Variants in NTM observed in about 807,000 individuals in gnomAD.
NTM encodes the protein neurotrimin.
NTM carries 13 observed loss-of-function variants against 42.1 expected under a neutral mutation model. That is an observed-to-expected ratio of 0.31 (90% confidence interval 0.20 to 0.49). The LOEUF is 0.49. Ranked by LOEUF, NTM falls within the 20% of genes least tolerant of loss-of-function variation. The probability of loss-of-function intolerance (pLI) is 0.99; values close to 1 mark genes in which losing one functional copy is unlikely to be tolerated. For missense variants in NTM, 373 were observed against 452.8 expected, an observed-to-expected ratio of 0.82 and a Z score of 1.60; for synonymous variants, 187 against 179.2, an observed-to-expected ratio of 1.04 and a Z score of -0.35.
chr11:131,814,531 C>T (rs1407250734), intron 1 of NTM, among the ~76,000 whole-genome samples: 2 of 152,026 alleles, frequency 1.3e-5, no homozygotes, highest in African/African-American at 2.4e-5. Flanking sequence ...CAACTGTACT[C>T]CCTGCTTAAA....
intron 1 of NTM, among the ~76,000 whole-genome samples, chr11:131,755,172 C>A (rs1167071888): frequency 6.6e-6 from 1 of 152,108 alleles, no homozygotes; most frequent in Non-Finnish European, 1.5e-5. Context: ...TAAATGGATA[C>A]ATTTTATTGT....
At chr11:131,751,378 C>T (rs2082498452) in intron 1 of NTM, among the ~76,000 whole-genome samples, 1 of 152,050 alleles carries the variant, frequency 6.6e-6, no homozygotes, top group South Asian at 2.1e-4. Flanking sequence ...ATCACGAGGT[C>T]AGGGGATCGA....
At chr11:131,561,011 A>C (rs1592054950) in intron 1 of NTM, among the ~76,000 whole-genome samples, 1 of 152,206 alleles carries the variant, frequency 6.6e-6, no homozygotes. Context: ...ATCACCCTGG[A>C]CCTTCGTCTC....
chr11:132,040,141 G>T (rs993107501), intron 2 of NTM, among the ~76,000 whole-genome samples: 4 of 152,036 alleles, frequency 2.6e-5, no homozygotes, highest in African/African-American at 9.7e-5. Flanking sequence ...TCACCATGTT[G>T]CCCCGGCTGG....
intron 1 of NTM, among the ~76,000 whole-genome samples, chr11:131,837,247 C>T (rs563235370): frequency 6.6e-6 from 1 of 152,286 alleles, no homozygotes; most frequent in African/African-American, 2.4e-5. Context: ...GCACCTTTGT[C>T]AGGGATCAAT....
chr11:131,782,569 A>C lies in NTM; in HGVS notation c.83-128995A>C, dbSNP rs115501465. 2.9e-3 allele frequency among the ~76,000 whole-genome samples: 445 copies of C among 152,244 alleles called. 6 individuals are homozygous for C. Among genetic ancestry groups the C allele is most frequent in the African/African-American group, 0.01 (423 of 41,582 alleles). On this transcript the variant is annotated intron_variant, in intron 1 of 8. Transcript: ENST00000683400. ...AAGGAAAAAAGCTCTATTAATCAAA[A>C]TTATGCATAAACATGGACACAACAG...
chr11:131,859,006 T>G (rs986462421), intron 1 of NTM, among the ~76,000 whole-genome samples: 4 of 152,146 alleles, frequency 2.6e-5, no homozygotes, highest in Non-Finnish European at 5.9e-5. Flanking sequence ...CCTCAGCCAG[T>G]CAGAGTTTTG....
intron 3 of NTM, among the ~76,000 whole-genome samples, chr11:132,162,909 T>C (rs1459075333): frequency 6.6e-6 from 1 of 151,988 alleles, no homozygotes; most frequent in East Asian, 1.9e-4. Context: ...GTGATGGACA[T>C]GTAACACTTA....
At chr11:131,666,258 G>T (rs2069027439) in intron 1 of NTM, among the ~76,000 whole-genome samples, 1 of 152,182 alleles carries the variant, frequency 6.6e-6, no homozygotes, top group African/African-American at 2.4e-5. Flanking sequence ...TGTGGGAGAA[G>T]CAGTGCCATA....
intron 2 of NTM, among the ~76,000 whole-genome samples, chr11:132,055,229 G>T (rs547690555): frequency 1.3e-5 from 2 of 152,264 alleles, no homozygotes; most frequent in South Asian, 4.1e-4. Context: ...TTAGGATAAT[G>T]AACGCAGCTG....
chr11:131,923,682 G>A (rs924092871), intron 2 of NTM, among the ~76,000 whole-genome samples: 1 of 152,202 alleles, frequency 6.6e-6, no homozygotes, highest in Non-Finnish European at 1.5e-5. Flanking sequence ...AAACTTTGGG[G>A]GAAGGGAAGG....
At chr11:131,392,122 T>C (rs910688569) in intron 1 of NTM, among the ~76,000 whole-genome samples, 1 of 152,206 alleles carries the variant, frequency 6.6e-6, no homozygotes, top group African/African-American at 2.4e-5. Flanking sequence ...AATGGAGTCT[T>C]TTTTCCTAGT....
At chr11:131,850,845 T>C (rs960036825) in intron 1 of NTM, among the ~76,000 whole-genome samples, 2 of 152,196 alleles carry the variant, frequency 1.3e-5, no homozygotes, top group African/African-American at 4.8e-5. Context: ...CACTGACCCA[T>C]AGGATTTCTT....
chr11:132,272,234 C>G (rs546885020), intron 4 of NTM, among the ~76,000 whole-genome samples: 24 of 152,082 alleles, frequency 1.6e-4, no homozygotes, highest in Middle Eastern at 3.4e-3. Flanking sequence ...TCCCATTGTT[C>G]TATGTATTTC....
chr11:131,823,617 G>A (rs979229893), intron 1 of NTM, among the ~76,000 whole-genome samples: 2 of 151,436 alleles, frequency 1.3e-5, no homozygotes, highest in Non-Finnish European at 2.9e-5. Context: ...AGTGTCTTGG[G>A]GAAAAAAAGG....
chr11:132,203,734 AAC>A (rs1362284815), intron 3 of NTM, among the ~76,000 whole-genome samples: 1 of 152,110 alleles, frequency 6.6e-6, no homozygotes. Flanking sequence ...TACTAAAAAT[AAC>A]ACACACACAA....
At chr11:131,420,321 A>G (rs1477974107) in intron 1 of NTM, among the ~76,000 whole-genome samples, 1 of 152,182 alleles carries the variant, frequency 6.6e-6, no homozygotes, top group Non-Finnish European at 1.5e-5. Context: ...GGGCCACGAG[A>G]CAAAGCATGC....
chr11:131,606,393 A>G (rs1225413358), intron 1 of NTM, among the ~76,000 whole-genome samples: 1 of 152,184 alleles, frequency 6.6e-6, no homozygotes, highest in Non-Finnish European at 1.5e-5. Context: ...TGTTCCTGGA[A>G]TATAACAGTT....
At chr11:131,791,004 T>A (rs538563718) in intron 1 of NTM, among the ~76,000 whole-genome samples, 1 of 152,210 alleles carries the variant, frequency 6.6e-6, no homozygotes. Context: ...CAAAACACAT[T>A]TGATCTTTGA....
Sources: gnomAD v4.1 joint callset for allele counts (sites outside exome capture counted in the v4.1 genomes callset) on GRCh38, gnomAD v4.1.1 for gene constraint, MANE v1.5 for transcripts, NCBI Gene and HGNC (gene_info 2026-07-23, HGNC 2026-07-21) for gene names.